Variants in TSPAN19 observed in about 807,000 individuals in gnomAD.
TSPAN19 encodes the protein tetraspanin 19, also known as tetraspanin-19.
Under a neutral mutation model 35.1 loss-of-function variants are expected in TSPAN19, and 44 were observed. That is an observed-to-expected ratio of 1.25 (90% CI 0.98 to 1.61). The LOEUF (loss-of-function observed/expected upper bound fraction) is 1.61, where lower values mean the gene tolerates loss of function less well. Among genes scored for constraint, TSPAN19 ranks in the 40% most tolerant of loss-of-function variants. The pLI is 0.00. For missense variants in TSPAN19, 290 were observed against 280.0 expected (o/e 1.04, Z -0.26); for synonymous variants, 79 against 92.0 (o/e 0.86, Z 0.81).
chr12:85,016,966 T>A (rs1388567223), intron 7 of TSPAN19: 1 of 152,702 alleles, frequency 6.5e-6, no homozygotes, highest in East Asian at 1.9e-4. Context: ...TGAAAAAATC[T>A]AGTTATCAGT....
chr12:85,017,479 G>T lies in TSPAN19; in HGVS notation c.571C>A (p.Pro191Thr). The T allele has an allele frequency of 6.2e-7, 1 of 1,608,524 alleles. No homozygotes were observed. The highest frequency in any genetic ancestry group is 8.5e-7 in the Non-Finnish European group (1 of 1,177,072). The part of the protein sequence containing the change: ...STLRKWFCDE[P>T]LNATYLEGCE... Reference sequence around the variant, plus strand: ...ACCTCAAGGTAAGTTGCATTCAGTGGCTCATCACAAAACCATTTTCTTAAA... The same window carrying T: ...ACCTCAAGGTAAGTTGCATTCAGTGTCTCATCACAAAACCATTTTCTTAAA... Residue 191 changes from proline to threonine, a missense_variant, in exon 7 of 9, where the codon CCA becomes ACA. Pro to Thr is a conservative substitution (Grantham distance 38). Coordinates refer to ENST00000532498, the MANE Select transcript of TSPAN19 (RefSeq NM_001100917.2).
rs774851795 is a variant in TSPAN19, at chr12:85,027,961, C to G, written c.202G>C (p.Val68Leu). The change falls in exon 4 of 9, where the codon GTT becomes CTT. Residue 68 changes from valine to leucine, a missense_variant. Transcript: ENST00000532498. ...QILIGMGSST[V>L]LFCLLGYIGI... ...ATATAACCCAATAGACAAAAAAGAA[C>G]AGTAGAAGATCCCATTCCAATCAAA... The G allele has an allele frequency of 1.4e-5, 22 of 1,601,484 alleles. No homozygotes were observed. The highest frequency in any genetic ancestry group is 1.7e-5 in the Non-Finnish European group (20 of 1,173,022).
rs74510228 is a variant in TSPAN19 at position 85,026,961 on chromosome 12, G to C, written c.264+938C>G. Among the ~76,000 whole-genome samples the C allele has an allele frequency of 3.9e-4, 59 of 152,182 alleles. No individual in the cohort carries two copies. The East Asian group carries it at 0.011, about 28-fold the overall frequency. ...TATCTCTGCATTCTTCCTGGTAAGG[G>C]ACAAAATGACAGCAGCTGAACTTCC... On this transcript the variant is annotated intron_variant, in intron 4 of 8. Coordinates refer to ENST00000532498, the MANE Select transcript of TSPAN19 (RefSeq NM_001100917.2).
chr12:85,033,350 AT>A (rs886686128), intron 1 of TSPAN19, among the ~76,000 whole-genome samples: 210 of 150,604 alleles, frequency 1.4e-3, no homozygotes, highest in African/African-American at 3.7e-3. Flanking sequence ...TTTACTAAAG[AT>A]TTTTTTTTTC....
chr12:85,025,260 C>T (rs899911358), intron 4 of TSPAN19, among the ~76,000 whole-genome samples: 1 of 151,498 alleles, frequency 6.6e-6, no homozygotes, highest in Admixed American at 6.6e-5. Context: ...CTCAGCCTCC[C>T]TAGTAGCTGG....
intron 1 of TSPAN19, among the ~76,000 whole-genome samples, chr12:85,035,780 A>G (rs1327760374): frequency 6.6e-6 from 1 of 152,198 alleles, no homozygotes; most frequent in Non-Finnish European, 1.5e-5. Context: ...AAACTTAGAA[A>G]TTAAGGTTTT....
intron 4 of TSPAN19, 37 bp downstream of exon 4, chr12:85,027,862 A>T (rs1341210638): frequency 6.5e-7 from 1 of 1,533,244 alleles, no homozygotes; most frequent in Admixed American, 2.2e-5. Flanking sequence ...TTAAAAATCT[A>T]AGACAAAAAT....
At chr12:85,016,108 C>A in intron 7 of TSPAN19, 137 bp from the exon 8 acceptor site, 1 of 524,510 alleles carries the variant, frequency 1.9e-6, no homozygotes. Context: ...AATTGGCGAA[C>A]TGGACTTTTA....
At chr12:85,017,245 C>T (rs12301980) in intron 7 of TSPAN19, 223,097 of 481,784 alleles carry the variant, frequency 0.46, 53,339 homozygotes, top group Middle Eastern at 0.51. Context: ...TCATATACTC[C>T]CAGGAAATTT....
At chr12:85,021,664 T>C (rs1210603541) in intron 5 of TSPAN19, among the ~76,000 whole-genome samples, 1 of 152,106 alleles carries the variant, frequency 6.6e-6, no homozygotes, top group Admixed American at 6.6e-5. Flanking sequence ...AAAGGCCTAG[T>C]TTATCTTCCA....
At chr12:85,020,025 C>T (rs1283990369) in intron 5 of TSPAN19, among the ~76,000 whole-genome samples, 14 of 151,822 alleles carry the variant, frequency 9.2e-5, no homozygotes, top group African/African-American at 3.4e-4. Context: ...TCTTCTCATA[C>T]TCTCAGGAAA....
At chr12:85,023,284 T>C in intron 5 of TSPAN19, 42 bp downstream of exon 5, 4 of 1,509,200 alleles carry the variant, frequency 2.7e-6, no homozygotes, top group Non-Finnish European at 3.6e-6. Flanking sequence ...TCCTTTAAAC[T>C]TCAAATAACA....
rs1876690845 is a variant in TSPAN19 at position 85,014,645 on chromosome 12, T to C, written c.679-90A>G. On this transcript the variant is annotated intron_variant, in intron 8 of 8. Transcript: ENST00000532498. The stretch of plus-strand genomic sequence containing the variant: ...AACAATATATAGTCACCAAAATGCG[T>C]ATTGTAAAGGGAAAAGGGATCAAAA... 27 of 926,460 alleles carry C rather than the reference T, an allele frequency of 2.9e-5. No homozygotes were observed. The South Asian group carries it at 4.3e-4, about 15-fold the overall frequency. 57.4% of individuals were successfully genotyped at this position (926,460 alleles called of 1,614,324 possible).
At chr12:85,017,629 T>C in intron 6 of TSPAN19, 30 bp from the exon 7 acceptor site, 6 of 1,496,660 alleles carry the variant, frequency 4.0e-6, no homozygotes, top group South Asian at 4.0e-5. Context: ...AATTTTACCA[T>C]AAAATGTTCA....
At chr12:85,017,076 C>G (rs761120520) in intron 7 of TSPAN19, 1 of 195,236 alleles carries the variant, frequency 5.1e-6, no homozygotes, top group Non-Finnish European at 1.0e-5. Flanking sequence ...GGGTCCACTC[C>G]CTTTAGTTTT....
intron 2 of TSPAN19, 35 bp downstream of exon 2, chr12:85,029,844 TAC>T (rs925934581): frequency 5.9e-5 from 89 of 1,517,540 alleles, no homozygotes; most frequent in Non-Finnish European, 7.5e-5. Flanking sequence ...TACAATAGAT[TAC>T]ATTTTCTTTA....
intron 1 of TSPAN19, among the ~76,000 whole-genome samples, chr12:85,030,980 T>G (rs750452182): frequency 6.6e-6 from 1 of 152,164 alleles, no homozygotes; most frequent in Non-Finnish European, 1.5e-5. Context: ...ATAAGATTAT[T>G]TTAAAGCTAT....
At chr12:85,015,757 G>A in intron 8 of TSPAN19, 131 bp downstream of exon 8, 4 of 610,428 alleles carry the variant, frequency 6.6e-6, no homozygotes, top group Non-Finnish European at 1.1e-5. Flanking sequence ...ACTCTTGGAT[G>A]TAAAGAGCCT....
Position 85,014,418 on chromosome 12 carries a change from G to T in TSPAN19, c.*69C>A. On this transcript the variant is annotated 3_prime_UTR_variant, in exon 9 of 9. Transcript: ENST00000532498. The stretch of plus-strand genomic sequence containing the variant: ...TTTAATACAATTCAAAACGTTTTTG[G>T]AATAAAATAATATAATGTGATTTTT... 1 of 1,155,566 alleles carries T rather than the reference G, an allele frequency of 8.7e-7. No individual in the cohort carries two copies. The highest frequency in any genetic ancestry group is 1.2e-6 in the Non-Finnish European group (1 of 809,134). The allele number at this position is 1,155,566 out of a possible 1,614,324, so 71.6% of individuals were successfully genotyped here.
Sources: allele counts gnomAD v4.1 joint callset (sites outside exome capture counted in the v4.1 genomes callset), GRCh38; gene constraint gnomAD v4.1.1; transcripts MANE v1.5; gene names NCBI Gene and HGNC (gene_info 2026-07-23, HGNC 2026-07-21).